Variants in HTN1 observed in about 807,000 individuals in gnomAD.
The protein encoded by HTN1 is histatin 1.
Under a neutral mutation model 11.2 loss-of-function variants are expected in HTN1, and 18 were observed. The ratio of observed to expected loss-of-function variants is 1.61; its 90% confidence interval spans 1.12 to 2.39. The LOEUF is 2.39. HTN1 is among the 30% of genes most tolerant of loss of function. HTN1 has a pLI of 0.00. For synonymous variants in HTN1, 21 were observed against 20.5 expected (o/e 1.02, Z -0.07); for missense variants, 80 against 67.2 (o/e 1.19, Z -0.67).
rs1726108174 is a variant in HTN1 at position 70,058,813 on chromosome 4, C to T, written c.*267C>T. On this transcript the variant is annotated 3_prime_UTR_variant, in exon 6 of 6. Transcript: ENST00000246896. Reference sequence around the variant, plus strand: ...TGTTTCTGAGTAATAGAAATTCATTCCTCTCCAAAAGCAATAAATTTCTAG... The same window carrying T: ...TGTTTCTGAGTAATAGAAATTCATTTCTCTCCAAAAGCAATAAATTTCTAG... 1 of 152,118 alleles carries T rather than the reference C, an allele frequency of 6.6e-6. No homozygotes were observed. 9.4% of individuals were successfully genotyped at this position (152,118 alleles called of 1,614,324 possible).
intron 2 of HTN1, among the ~76,000 whole-genome samples, chr4:70,053,865 C>A (rs1725961125): frequency 6.7e-6 from 1 of 149,358 alleles, no homozygotes; most frequent in Admixed American, 6.7e-5. Context: ...TATGATATCA[C>A]AGTTTATCAC....
chr4:70,054,349 C>A lies in HTN1; in HGVS notation c.72+7C>A. On this transcript the variant is annotated splice_region_variant and intron_variant, in intron 3 of 5. Coordinates refer to ENST00000246896, the MANE Select transcript of HTN1 (RefSeq NM_002159.4). ...CGCTGATTCACATGAAAAGGTAAGA[C>A]ATTTTCATTTACGGGAAAACTTGAT... The A allele has an allele frequency of 6.5e-7, 1 of 1,537,690 alleles. No individual in the cohort carries two copies. Among genetic ancestry groups the A allele is most frequent in the Non-Finnish European group, 8.9e-7 (1 of 1,129,846 alleles).
chr4:70,057,923 A>G (rs1726083395), intron 5 of HTN1: 1 of 152,326 alleles, frequency 6.6e-6, no homozygotes, highest in Admixed American at 6.5e-5. Context: ...GGAATGACTA[A>G]TATAACATCA....
At chr4:70,055,671 G>A (rs1291389938) in intron 5 of HTN1, 69 bp downstream of exon 5, 21 of 711,822 alleles carry the variant, frequency 3.0e-5, no homozygotes, top group Non-Finnish European at 4.4e-5. Flanking sequence ...AAAGCCATAA[G>A]CTAACAACCA....
chr4:70,058,491 A>G (rs1201285321), intron 5 of HTN1, 89 bp from the exon 6 acceptor site: 1 of 152,180 alleles, frequency 6.6e-6, no homozygotes, highest in African/African-American at 2.4e-5. Context: ...AACTATCTAT[A>G]AATACATACT....
chr4:70,057,522 A>G (rs1400483006), intron 5 of HTN1: 5 of 152,112 alleles, frequency 3.3e-5, no homozygotes. Context: ...AATAAAATGA[A>G]ATAAAATAAA....
At chr4:70,058,556 G>C (rs1245012729) in intron 5 of HTN1, 24 bp from the exon 6 acceptor site, 1 of 152,058 alleles carries the variant, frequency 6.6e-6, no homozygotes, top group Non-Finnish European at 1.5e-5. Flanking sequence ...TGAAGATAAA[G>C]TGTTATTTTC....
In HTN1 at chr4:70,054,338, A is replaced by T; in HGVS notation, c.68A>T (p.Glu23Val). 6.6e-7 allele frequency: 1 copy of T among 1,525,900 alleles called. No homozygotes were observed. Among genetic ancestry groups the T allele is most frequent in the Non-Finnish European group, 8.9e-7 (1 of 1,122,322 alleles). The allele number at this position is 1,525,900 out of a possible 1,614,324, so 94.5% of individuals were successfully genotyped here. A position where few individuals can be genotyped will look rare whatever the true frequency, so the allele number is the denominator to read the frequency against. The change falls in exon 3 of 6, where the codon GAA becomes GTA. Residue 23 changes from glutamate (E) to valine (V), a missense_variant. Glu to Val is a moderately radical substitution (Grantham distance 121, BLOSUM62 -2). Coordinates refer to ENST00000246896, the MANE Select transcript of HTN1 (RefSeq NM_002159.4). The stretch of plus-strand genomic sequence containing the variant: ...TTTTCCAAGAGCGCTGATTCACATG[A>T]AAAGGTAAGACATTTTCATTTACGG... ...MISMISADSHEKRHHGYRRKF... is the reference protein window; with the variant it reads ...MISMISADSHVKRHHGYRRKF...
rs1368581249 is a variant in HTN1, at chr4:70,058,628, C to G, written c.*82C>G. On this transcript the variant is annotated 3_prime_UTR_variant, in exon 6 of 6. Coordinates refer to ENST00000246896, the MANE Select transcript of HTN1 (RefSeq NM_002159.4). The stretch of plus-strand genomic sequence containing the variant: ...TACTCATTTATTCTCATTCATCATA[C>G]CGCATCACACTACCACTGCTTTTTG... 1 of 152,132 alleles carries G rather than the reference C, an allele frequency of 6.6e-6. No homozygotes were observed. The highest frequency in any genetic ancestry group is 1.9e-4 in the East Asian group (1 of 5,194). The allele number at this position is 152,132 out of a possible 1,614,324, so 9.4% of individuals were successfully genotyped here.
At chr4:70,051,893 A>G (rs1169083779) in intron 1 of HTN1, among the ~76,000 whole-genome samples, 1 of 152,146 alleles carries the variant, frequency 6.6e-6, no homozygotes, top group East Asian at 1.9e-4. Flanking sequence ...CCTATTAATG[A>G]ATTACTTTAT....
intron 5 of HTN1, chr4:70,057,312 AC>A (rs1462990642): frequency 1.3e-5 from 2 of 152,104 alleles, no homozygotes; most frequent in African/African-American, 2.4e-5. Flanking sequence ...ACAAGGTCTC[AC>A]TCATAAGTGG....
intron 4 of HTN1, among the ~76,000 whole-genome samples, chr4:70,055,067 A>G (rs1298414371): frequency 6.6e-6 from 1 of 152,062 alleles, no homozygotes; most frequent in East Asian, 1.9e-4. Context: ...AGCAGTGGGT[A>G]TGAAAGAATG....
At chr4:70,052,836 C>A in intron 1 of HTN1, 1 of 367,092 alleles carries the variant, frequency 2.7e-6, no homozygotes, top group South Asian at 7.7e-5. Flanking sequence ...GGCATGGTGG[C>A]ACACACTTGT....
intron 1 of HTN1, among the ~76,000 whole-genome samples, chr4:70,052,410 G>C (rs1398266738): frequency 6.6e-6 from 1 of 152,092 alleles, no homozygotes; most frequent in Non-Finnish European, 1.5e-5. Flanking sequence ...AACAACCTAA[G>C]TGGTCATCTT....
rs376455807 is a variant in HTN1 at position 70,054,460 on chromosome 4, C to G, written c.102+10C>G. ...TAGAAGAAAATTCCATGTAAGTGTTCTTCTGATAATGTGCACTCTAAATAA... is the reference window on the plus strand; with the variant it reads ...TAGAAGAAAATTCCATGTAAGTGTTGTTCTGATAATGTGCACTCTAAATAA... On this transcript the variant is annotated intron_variant, in intron 4 of 5. Transcript: ENST00000246896. The G allele has an allele frequency of 4.1e-6, 6 of 1,470,634 alleles. No individual in the cohort carries two copies. In the African/African-American group the frequency reaches 4.2e-5, roughly 10 times the overall value. 91.1% of individuals were successfully genotyped at this position (1,470,634 alleles called of 1,614,324 possible). A position where few individuals can be genotyped will look rare whatever the true frequency, so the allele number is the denominator to read the frequency against.
At position 70,055,802 on chromosome 4, in the gene HTN1, G is replaced by A. The variant is rs541232226; in HGVS notation, c.*33+200G>A. The A allele has an allele frequency of 2.9e-5, 12 of 414,802 alleles. No individual in the cohort carries two copies. In the East Asian group the frequency reaches 5.1e-4, roughly 18 times the overall value. The allele number at this position is 414,802 out of a possible 1,614,324, so 25.7% of individuals were successfully genotyped here. The stretch of plus-strand genomic sequence containing the variant: ...GGTCTCTGTTCTGTGCCATTGGTCT[G>A]TATGTTGTTTTGGTACTGGTACCAT... On this transcript the variant is annotated intron_variant, in intron 5 of 5. Transcript: ENST00000246896.
chr4:70,051,044 C>G (rs918429306), intron 1 of HTN1, among the ~76,000 whole-genome samples: 3 of 152,132 alleles, frequency 2.0e-5, no homozygotes, highest in African/African-American at 7.2e-5. Flanking sequence ...ATTACATCCT[C>G]TCTGATGGTG....
At chr4:70,052,841 A>T in intron 1 of HTN1, 1 of 403,204 alleles carries the variant, frequency 2.5e-6, no homozygotes, top group Middle Eastern at 6.9e-4. Context: ...GGTGGCACAC[A>T]CTTGTAGTTC....
chr4:70,054,811 T>C (rs1178332872), intron 4 of HTN1, among the ~76,000 whole-genome samples: 1 of 152,054 alleles, frequency 6.6e-6, no homozygotes, highest in Admixed American at 6.6e-5. Flanking sequence ...GGTAAGTTTC[T>C]ACCTTCTGAA....
Sources: gnomAD v4.1 joint callset for allele counts (sites outside exome capture counted in the v4.1 genomes callset) on GRCh38, gnomAD v4.1.1 for gene constraint, MANE v1.5 for transcripts, NCBI Gene and HGNC (gene_info 2026-07-23, HGNC 2026-07-21) for gene names.